Variants in ZFAT observed in about 807,000 individuals in gnomAD.
ZFAT encodes the protein zinc finger protein ZFAT.
ZFAT carries 64 observed loss-of-function variants against 117.7 expected under a neutral mutation model. That is an observed-to-expected ratio of 0.54 (90% CI 0.44 to 0.67). ZFAT has a LOEUF of 0.67. ZFAT is among the 30% of genes least tolerant of loss of function. The pLI is 0.00. For synonymous variants in ZFAT, 679 were observed against 615.0 expected (o/e 1.10, Z -1.54); for missense variants, 1,433 against 1,584.5 (o/e 0.90, Z 1.62).
chr8:134,576,806 C>T (rs1825343228), intron 10 of ZFAT, among the ~76,000 whole-genome samples: 1 of 152,200 alleles, frequency 6.6e-6, no homozygotes, highest in East Asian at 1.9e-4. Context: ...TTTCCATACT[C>T]AACTCTCCAC....
At chr8:134,721,320 T>C in the ZFAT span, among the ~76,000 whole-genome samples, 1 of 152,222 alleles carries the variant, frequency 6.6e-6, no homozygotes, top group Non-Finnish European at 1.5e-5. Context: ...CCTTTCCTTC[T>C]ACCAGTGCCA....
At chr8:134,697,681 C>G (rs1252775415) in intron 1 of ZFAT, among the ~76,000 whole-genome samples, 5 of 150,584 alleles carry the variant, frequency 3.3e-5, no homozygotes, top group African/African-American at 1.2e-4. Context: ...GAGCCGAGAT[C>G]GCGCCACTGC....
At chr8:134,714,618 A>G (rs1007559409), upstream of ZFAT, among the ~76,000 whole-genome samples, 1 of 152,192 alleles carries the variant, frequency 6.6e-6, no homozygotes, top group African/African-American at 2.4e-5. Flanking sequence ...TGTTAAATAT[A>G]TGCTCACAGA....
At chr8:134,611,350 A>G (rs1828317526) in intron 3 of ZFAT, among the ~76,000 whole-genome samples, 2 of 152,256 alleles carry the variant, frequency 1.3e-5, no homozygotes, top group African/African-American at 4.8e-5. Flanking sequence ...GGTGGAAACA[A>G]TGGTGTTCCA....
At chr8:134,738,942 C>T in the ZFAT span, among the ~76,000 whole-genome samples, 2 of 152,136 alleles carry the variant, frequency 1.3e-5, no homozygotes, top group Non-Finnish European at 2.9e-5. Flanking sequence ...TTTTAGGAAA[C>T]CAGTCAAGGG....
chr8:134,638,010 C>T (rs1411906457), intron 2 of ZFAT, among the ~76,000 whole-genome samples: 1 of 152,114 alleles, frequency 6.6e-6, no homozygotes, highest in Non-Finnish European at 1.5e-5. Context: ...GGCTGTCAAC[C>T]CCCCGTTCAC....
intron 2 of ZFAT, among the ~76,000 whole-genome samples, chr8:134,648,740 T>C (rs1249824601): frequency 6.6e-6 from 1 of 151,980 alleles, no homozygotes; most frequent in Non-Finnish European, 1.5e-5. Context: ...TACTTAAAAA[T>C]TTTTCCAAAA....
At chr8:134,823,391 TAC>T in the ZFAT span, among the ~76,000 whole-genome samples, 1 of 152,234 alleles carries the variant, frequency 6.6e-6, no homozygotes, top group African/African-American at 2.4e-5. Flanking sequence ...TCAAATTAAT[TAC>T]AGTTAACATG....
chr8:134,620,356 G>A (rs1251961691), intron 3 of ZFAT, among the ~76,000 whole-genome samples: 1 of 152,182 alleles, frequency 6.6e-6, no homozygotes, highest in Non-Finnish European at 1.5e-5. Context: ...CCATGCAGAT[G>A]AACGGCCCCA....
chr8:134,712,773 G>C (rs1217595019), intron 1 of ZFAT, 72 bp downstream of exon 1: 6 of 1,414,504 alleles, frequency 4.2e-6, no homozygotes, highest in Non-Finnish European at 5.6e-6. Context: ...CTCGACGCTC[G>C]AAACGGCTTT....
At chr8:134,624,746 A>C (rs923918119) in intron 3 of ZFAT, among the ~76,000 whole-genome samples, 30 of 152,178 alleles carry the variant, frequency 2.0e-4, no homozygotes, top group African/African-American at 6.3e-4. Flanking sequence ...TGAATTCCCC[A>C]CAGAACAGAG....
At chr8:134,738,238 C>T in the ZFAT span, among the ~76,000 whole-genome samples, 1 of 152,144 alleles carries the variant, frequency 6.6e-6, no homozygotes, top group African/African-American at 2.4e-5. Flanking sequence ...ATGGCCCCAC[C>T]TAGCCTCCTC....
At chr8:134,648,746 CA>C (rs950645729) in intron 2 of ZFAT, among the ~76,000 whole-genome samples, 1 of 151,806 alleles carries the variant, frequency 6.6e-6, no homozygotes, top group Non-Finnish European at 1.5e-5. Context: ...AAAATTTTTC[CA>C]AAAAATAGAA....
the ZFAT span, among the ~76,000 whole-genome samples, chr8:134,739,626 TAGC>T: frequency 6.6e-6 from 1 of 152,222 alleles, no homozygotes; most frequent in Non-Finnish European, 1.5e-5. Context: ...ATACAGGATA[TAGC>T]CTTTGCCCTT....
chr8:134,653,623 TGATA>T (rs962609965), intron 2 of ZFAT, among the ~76,000 whole-genome samples: 41 of 152,024 alleles, frequency 2.7e-4, no homozygotes, highest in African/African-American at 9.6e-4. Flanking sequence ...CTACATGGGG[TGATA>T]GATAAATGAG....
chr8:134,561,608 G>A (rs1824056410), intron 11 of ZFAT, among the ~76,000 whole-genome samples: 1 of 152,012 alleles, frequency 6.6e-6, no homozygotes. Context: ...AGGCAATACA[G>A]GAATTTGCCC....
intron 12 of ZFAT, among the ~76,000 whole-genome samples, chr8:134,521,442 G>A (rs1820648741): frequency 6.6e-6 from 1 of 152,192 alleles, no homozygotes; most frequent in Non-Finnish European, 1.5e-5. Flanking sequence ...CCAGGAGCCT[G>A]ATTCTCAGTC....
chr8:134,698,683 G>T (rs1833938056), intron 1 of ZFAT, among the ~76,000 whole-genome samples: 1 of 152,068 alleles, frequency 6.6e-6, no homozygotes, highest in Non-Finnish European at 1.5e-5. Context: ...CCACTCAACA[G>T]AACCAGCCTC....
Position 134,588,384 on chromosome 8 carries a change from T to C in ZFAT, c.2575A>G (p.Ser859Gly). Reference protein sequence around the residue: ...IKTNHPEVSMSTISEVLGRRV... With the variant: ...IKTNHPEVSMGTISEVLGRRV... ...CTCCCGAGAACCTCAGAAATGGTGC[T>C]CATGGAGACCTCTAGAAGAAAAGCA... The change falls in exon 9 of 16, where the codon AGC becomes GGC. Residue 859 changes from serine (S) to glycine (G), a missense_variant. By Grantham distance (56) the Ser-to-Gly change is moderately conservative. Coordinates refer to ENST00000377838, the MANE Select transcript of ZFAT (RefSeq NM_020863.4). 6.3e-7 allele frequency: 1 copy of C among 1,586,258 alleles called. No individual in the cohort carries two copies. The highest frequency in any genetic ancestry group is 1.4e-5 in the African/African-American group (1 of 74,020).
Sources: gnomAD v4.1 joint callset for allele counts (sites outside exome capture counted in the v4.1 genomes callset) on GRCh38, gnomAD v4.1.1 for gene constraint, MANE v1.5 for transcripts, NCBI Gene and HGNC (gene_info 2026-07-23, HGNC 2026-07-21) for gene names.